Variants in VSX2 observed in about 807,000 individuals in gnomAD.
VSX2 encodes the protein visual system homeobox 2.
In VSX2, 28 loss-of-function variants were observed where a neutral mutation model predicts 32.1. The ratio of observed to expected loss-of-function variants is 0.87; its 90% confidence interval spans 0.65 to 1.20. The LOEUF (loss-of-function observed/expected upper bound fraction) is 1.20, where lower values mean the gene tolerates loss of function less well. Ranked by LOEUF, VSX2 falls within the 50% of genes most tolerant of loss-of-function variation. The pLI is 0.00. For missense variants in VSX2, 506 were observed against 488.7 expected (o/e 1.04, Z -0.33); for synonymous variants, 243 against 214.1 (o/e 1.14, Z -1.18).
chr14:74,241,607 C>T (rs1204753078), intron 2 of VSX2, among the ~76,000 whole-genome samples: 1 of 152,232 alleles, frequency 6.6e-6, no homozygotes, highest in Non-Finnish European at 1.5e-5. Context: ...CACACAGACC[C>T]GGCGGCGGGC....
At chr14:74,255,573 C>G (rs2139642917) in intron 3 of VSX2, among the ~76,000 whole-genome samples, 1 of 152,236 alleles carries the variant, frequency 6.6e-6, no homozygotes, top group East Asian at 1.9e-4. Context: ...ATTAGGAGAC[C>G]CAGGAAAATA....
chr14:74,240,153 G>T (rs1273975624), intron 1 of VSX2, among the ~76,000 whole-genome samples: 3 of 152,230 alleles, frequency 2.0e-5, no homozygotes, highest in Non-Finnish European at 4.4e-5. Flanking sequence ...CGGCCGCGCA[G>T]TTCTCCAGTC....
rs1011415028 is a variant in VSX2, at chr14:74,260,966, G to A, written c.*47G>A. 8.4e-6 allele frequency: 13 copies of A among 1,543,806 alleles called. No homozygotes were observed. The highest frequency in any genetic ancestry group is 1.2e-5 in the South Asian group (1 of 83,806). ...GGAGCCCCAAGACTCTGCTCTCCTC[G>A]GGCCCTGTGGTGCTGGGAGATGCTC... On this transcript the variant is annotated 3_prime_UTR_variant, in exon 5 of 5. Coordinates refer to ENST00000261980, the MANE Select transcript of VSX2 (RefSeq NM_182894.3).
chr14:74,258,307 G>A (rs1566887980), intron 3 of VSX2, among the ~76,000 whole-genome samples: 3 of 152,142 alleles, frequency 2.0e-5, no homozygotes, highest in Admixed American at 6.5e-5. Context: ...AATCAGCCCA[G>A]GGCTGCCCCT....
chr14:74,240,348 G>T (rs1035350426), intron 1 of VSX2, among the ~76,000 whole-genome samples: 2 of 152,142 alleles, frequency 1.3e-5, no homozygotes, highest in Admixed American at 6.5e-5. Context: ...TTCCGGCTCC[G>T]GCCCCATCCC....
intron 1 of VSX2, among the ~76,000 whole-genome samples, chr14:74,240,881 G>A (rs1042303237): frequency 6.6e-6 from 1 of 152,128 alleles, no homozygotes; most frequent in African/African-American, 2.4e-5. Context: ...GAGCGCTGCC[G>A]GGGATCTCTG....
chr14:74,246,830 T>G (rs1594755142), intron 3 of VSX2, among the ~76,000 whole-genome samples: 1 of 151,548 alleles, frequency 6.6e-6, no homozygotes. Context: ...GTAGATTAGG[T>G]GGGGGAGGGT....
At chr14:74,257,726 C>T (rs1233626483) in intron 3 of VSX2, among the ~76,000 whole-genome samples, 1 of 151,726 alleles carries the variant, frequency 6.6e-6, no homozygotes, top group African/African-American at 2.4e-5. Context: ...ACCCACTTCC[C>T]CCGAGCCCCG....
chr14:74,240,183 G>A (rs1467802284), intron 1 of VSX2, among the ~76,000 whole-genome samples: 1 of 152,176 alleles, frequency 6.6e-6, no homozygotes, highest in Non-Finnish European at 1.5e-5. Flanking sequence ...GGCAGGGCTC[G>A]GCCACGGCAC....
intron 3 of VSX2, among the ~76,000 whole-genome samples, chr14:74,248,721 G>A (rs1445014947): frequency 6.6e-6 from 1 of 150,648 alleles, no homozygotes; most frequent in Non-Finnish European, 1.5e-5. Context: ...AAAAAACAGA[G>A]AGAAATTATC....
In VSX2 at chr14:74,244,977, TGTGTGA is replaced by T. The variant is rs1426667408; in HGVS notation, c.456-186_456-181del. On this transcript the variant is annotated intron_variant, in intron 2 of 4. Coordinates refer to ENST00000261980, the MANE Select transcript of VSX2 (RefSeq NM_182894.3). Reference sequence around the variant, plus strand: ...GTGTGTGTGTGTGTGTGTGTGTGTGTGTGTGAGAGAGAGAGAGAGAGAGAGAGAGAC... The same window carrying T: ...GTGTGTGTGTGTGTGTGTGTGTGTGTGAGAGAGAGAGAGAGAGAGAGAGAC... Among the ~76,000 whole-genome samples the T allele has an allele frequency of 8.9e-3, 387 of 43,702 alleles. 5 individuals carry two copies. The highest frequency in any genetic ancestry group is 0.031 in the African/African-American group (360 of 11,580). 28.7% of individuals were successfully genotyped at this position (43,702 alleles called of 152,430 possible). A position where few individuals can be genotyped will look rare whatever the true frequency, so the allele number is the denominator to read the frequency against.
intron 2 of VSX2, among the ~76,000 whole-genome samples, chr14:74,243,165 T>C (rs2079162378): frequency 6.6e-6 from 1 of 152,196 alleles, no homozygotes; most frequent in South Asian, 2.1e-4. Context: ...GACCCTGGAA[T>C]CTGGTGATGA....
chr14:74,254,784 A>ATTTTTTTTTTTTTTT lies in VSX2; in HGVS notation c.580-4805_580-4804insTTTTTTTTTTTTTTT, dbSNP rs537753574. ...ATCCTCCAAAAACCCCGAAAAGTGGATTTTTTTTTTTTTGAGACGCAGTCT... is the reference window on the plus strand; with the variant it reads ...ATCCTCCAAAAACCCCGAAAAGTGGATTTTTTTTTTTTTTTTTTTTTTTTTTTTGAGACGCAGTCT... On this transcript the variant is annotated intron_variant, in intron 3 of 4. Transcript: ENST00000261980. Among the ~76,000 whole-genome samples, 181 of 116,602 alleles carry ATTTTTTTTTTTTTTT rather than the reference A, an allele frequency of 1.6e-3. 42 individuals are homozygous for ATTTTTTTTTTTTTTT. The East Asian group carries it at 0.051, about 33-fold the overall frequency. 76.5% of individuals were successfully genotyped at this position (116,602 alleles called of 152,430 possible). A position where few individuals can be genotyped will look rare whatever the true frequency, so the allele number is the denominator to read the frequency against.
chr14:74,256,402 G>T (rs567732621), intron 3 of VSX2, among the ~76,000 whole-genome samples: 4 of 152,162 alleles, frequency 2.6e-5, no homozygotes, highest in Non-Finnish European at 4.4e-5. Context: ...CTGCACTCCA[G>T]CCTGGGTGAC....
rs1327405313 is a variant in VSX2, at chr14:74,260,583, A to G, written c.761-11A>G. 6.9e-6 allele frequency: 11 copies of G among 1,594,522 alleles called. No homozygotes were observed. Among genetic ancestry groups the G allele is most frequent in the Non-Finnish European group, 9.4e-6 (11 of 1,170,892 alleles). On this transcript the variant is annotated splice_polypyrimidine_tract_variant and intron_variant, in intron 4 of 4. Coordinates refer to ENST00000261980, the MANE Select transcript of VSX2 (RefSeq NM_182894.3). ...GCTTTTCTAAACCCGAATACCAACA[A>G]TTCTTTCTAGGGATGCACAAAAAGT...
At chr14:74,239,964 T>C in intron 1 of VSX2, 33 bp downstream of exon 1, 2 of 1,544,884 alleles carry the variant, frequency 1.3e-6, no homozygotes, top group Non-Finnish European at 1.7e-6. Context: ...GCTGCCTGAC[T>C]GGGGGGCGAC....
intron 3 of VSX2, among the ~76,000 whole-genome samples, chr14:74,254,705 C>T (rs562363001): frequency 6.6e-6 from 1 of 151,914 alleles, no homozygotes; most frequent in Non-Finnish European, 1.5e-5. Flanking sequence ...TAACACTTAT[C>T]GGACACCTTC....
chr14:74,239,487 G>T lies in VSX2; in HGVS notation c.-75G>T. The T allele has an allele frequency of 1.3e-6, 2 of 1,546,426 alleles. No homozygotes were observed. Among genetic ancestry groups the T allele is most frequent in the Non-Finnish European group, 1.7e-6 (2 of 1,145,336 alleles). On this transcript the variant is annotated 5_prime_UTR_variant, in exon 1 of 5. Transcript: ENST00000261980. The stretch of plus-strand genomic sequence containing the variant: ...GGAGGGGGCACCTGGGACCAACTTC[G>T]CGAAGCGGGAAGCCCGGCGGGGGGG...
intron 3 of VSX2, among the ~76,000 whole-genome samples, chr14:74,249,836 C>CGTCCTCACTCCACAT (rs1857898860): frequency 6.6e-6 from 1 of 152,132 alleles, no homozygotes; most frequent in Admixed American, 6.5e-5. Flanking sequence ...AGAGTAAACA[C>CGTCCTCACTCCACAT]GTCCTCACTC....
Sources: allele counts gnomAD v4.1 joint callset (sites outside exome capture counted in the v4.1 genomes callset), GRCh38; gene constraint gnomAD v4.1.1; transcripts MANE v1.5; gene names NCBI Gene and HGNC (gene_info 2026-07-23, HGNC 2026-07-21).